The following PSD4 variants were observed in gnomAD, a reference collection of about 807,000 sequenced individuals.
The protein encoded by PSD4 is PH and SEC7 domain-containing protein 4.
PSD4 carries 59 observed loss-of-function variants against 112.5 expected under a neutral mutation model. The ratio of observed to expected loss-of-function variants is 0.52; its 90% CI spans 0.43 to 0.65. The LOEUF (loss-of-function observed/expected upper bound fraction) is 0.65. PSD4 is among the 30% of genes least tolerant of loss of function. The pLI, the probability that PSD4 is intolerant of heterozygous loss-of-function variation, is 0.00. For synonymous variants in PSD4, 533 were observed against 540.0 expected (o/e 0.99, Z 0.18); for missense variants, 1,267 against 1,352.6 (o/e 0.94, Z 0.99).
rs754769634 is a variant in PSD4 at position 113,199,169 on chromosome 2, G to A, written c.2856G>A (p.Arg952=). 21 of 1,526,134 alleles carry A rather than the reference G, an allele frequency of 1.4e-5. No individual in the cohort carries two copies. Among genetic ancestry groups the A allele is most frequent in the Non-Finnish European group, 1.7e-5 (19 of 1,139,276 alleles). 94.5% of individuals were successfully genotyped at this position (1,526,134 alleles called of 1,614,324 possible). Residue 952 remains arginine, a synonymous_variant, in exon 16 of 17, where the codon CGG becomes CGA. Transcript: ENST00000245796. The part of the protein sequence containing the change: ...LDLQRNLPER[R]GRGRELEEHR... ...TACAGAGGAACCTGCCGGAGCGGCG[G>A]GGCCGTGGCCGCGAGCTGGAGGAGC...
intron 9 of PSD4, 21 bp downstream of exon 9, chr2:113,193,671 C>T (rs773960711): frequency 1.9e-6 from 3 of 1,607,870 alleles, no homozygotes; most frequent in Non-Finnish European, 2.6e-6. Flanking sequence ...GGAGAGAGTC[C>T]CTGTGGGAAC....
chr2:113,182,971 A>G lies in PSD4; in HGVS notation c.515A>G (p.Glu172Gly). ...CAGATGTGTGTCCTAGACCTGGAGG[A>G]GGAGCTGGAGAAGACGGAAGGGCTC... ...QAQMCVLDLE[E>G]ELEKTEGLKA... Residue 172 changes from glutamate (E) to glycine (G), a missense_variant, in exon 2 of 17, where the codon GAG (glutamate) becomes GGG (glycine). Glu to Gly is a moderately conservative substitution (Grantham distance 98). This residue lies in a region of PSD4 where 723 missense variants were observed against 704.0 expected (regional missense o/e 1.03). Coordinates refer to ENST00000245796, the MANE Select transcript of PSD4 (RefSeq NM_012455.3). 6.2e-7 allele frequency: 1 copy of G among 1,614,152 alleles called. No individual in the cohort carries two copies. Among genetic ancestry groups the G allele is most frequent in the Non-Finnish European group, 8.5e-7 (1 of 1,180,018 alleles).
intron 1 of PSD4, among the ~76,000 whole-genome samples, chr2:113,177,945 C>A (rs1688022223): frequency 6.6e-6 from 1 of 152,164 alleles, no homozygotes; most frequent in Non-Finnish European, 1.5e-5. Context: ...CGGCCAGGTG[C>A]TGTGGCTCAT....
Position 113,192,394 on chromosome 2 carries a change from C to G in PSD4, c.1643C>G (p.Thr548Arg). The G allele has an allele frequency of 6.2e-7, 1 of 1,614,180 alleles. No individual in the cohort carries two copies. The highest frequency in any genetic ancestry group is 2.2e-5 in the East Asian group (1 of 44,882). The change falls in exon 6 of 17, where the codon ACA becomes AGA. Residue 548 changes from threonine to arginine, a missense_variant. Around this residue, in one of 2 missense-constraint regions of PSD4, gnomAD observed 723 missense variants for 704.0 expected, o/e 1.03. Transcript: ENST00000245796. The stretch of plus-strand genomic sequence containing the variant: ...TCTATCTCAAGTGAGAATCTGAGGA[C>G]ACCGATGAACTCTTCTTGGCTTCCT... ...LTSAEHENLR[T>R]PMNSSWLPGS...
rs1234628260 is a variant in PSD4 at position 113,185,399 on chromosome 2, G to A, written c.1208G>A (p.Gly403Asp). The A allele has an allele frequency of 5.0e-6, 8 of 1,614,076 alleles. No individual in the cohort carries two copies. The Admixed American group carries it at 1.0e-4, about 20-fold the overall frequency. The change falls in exon 4 of 17, where the codon GGT becomes GAT. Residue 403 changes from glycine (G) to aspartate (D), a missense_variant. Around this residue, in one of 2 missense-constraint regions of PSD4, gnomAD observed 723 missense variants for 704.0 expected, o/e 1.03. Coordinates refer to ENST00000245796, the MANE Select transcript of PSD4 (RefSeq NM_012455.3). ...SLSPEGWQRG[G>D]PFWPQVTLNS... ...AGCCCTGAGGGCTGGCAGAGAGGAGGTCCTTTTTGGCCCCAGGTGACTCTT... is the reference window on the plus strand; with the variant it reads ...AGCCCTGAGGGCTGGCAGAGAGGAGATCCTTTTTGGCCCCAGGTGACTCTT...
At position 113,195,789 on chromosome 2, in the gene PSD4, C is replaced by G. The variant is rs375145377; in HGVS notation, c.2225+19C>G. The G allele has an allele frequency of 6.1e-5, 99 of 1,613,854 alleles. No homozygotes were observed. Among genetic ancestry groups the G allele is most frequent in the Non-Finnish European group, 8.2e-5 (97 of 1,179,902 alleles). ...GGGCCGTGTGAGTGAGACTCCCTTT[C>G]CCCTCTCCCTCTCACCCCTCTCCCC... On this transcript the variant is annotated intron_variant, in intron 11 of 16. Transcript: ENST00000245796.
At chr2:113,180,578 G>A (rs1411053933) in intron 1 of PSD4, among the ~76,000 whole-genome samples, 1 of 152,186 alleles carries the variant, frequency 6.6e-6, no homozygotes, top group Non-Finnish European at 1.5e-5. Context: ...AGACCGGAAG[G>A]TGGATGGTCT....
Position 113,206,770 on chromosome 2 carries a change from C to T in PSD4, c.*5355C>T, listed in dbSNP as rs1274813494. 1 of 152,280 alleles carries T rather than the reference C, an allele frequency of 6.6e-6. No individual in the cohort carries two copies. Among genetic ancestry groups the T allele is most frequent in the Non-Finnish European group, 1.5e-5 (1 of 68,132 alleles). The allele number at this position is 152,280 out of a possible 1,614,324, so 9.4% of individuals were successfully genotyped here. A position where few individuals can be genotyped will look rare whatever the true frequency, so the allele number is the denominator to read the frequency against. ...CTTACCCCACGTCTGCTCCCCTCCT[C>T]CTTTGGGCTCTGGCTTAGGCTCTGC... On this transcript the variant is annotated 3_prime_UTR_variant, in exon 17 of 17. Coordinates refer to ENST00000245796, the MANE Select transcript of PSD4 (RefSeq NM_012455.3).
intron 16 of PSD4, among the ~76,000 whole-genome samples, chr2:113,199,603 T>A (rs1688719520): frequency 6.6e-6 from 1 of 152,108 alleles, no homozygotes; most frequent in African/African-American, 2.4e-5. Context: ...CTGTTCCTTC[T>A]AATACCTACC....
chr2:113,182,395 C>A lies in PSD4; in HGVS notation c.-62C>A. ...CCAGCGGCCAGTGCTCCCCCTAGTC[C>A]ACACAGTGAGACCGTGAAAGCAGAT... On this transcript the variant is annotated 5_prime_UTR_variant, in exon 2 of 17. Transcript: ENST00000245796. 1 of 1,447,882 alleles carries A rather than the reference C, an allele frequency of 6.9e-7. No homozygotes were observed. The highest frequency in any genetic ancestry group is 9.4e-7 in the Non-Finnish European group (1 of 1,062,174). The allele number at this position is 1,447,882 out of a possible 1,614,324, so 89.7% of individuals were successfully genotyped here.
chr2:113,177,877 T>TA (rs1688020491), intron 1 of PSD4, among the ~76,000 whole-genome samples: 1 of 152,096 alleles, frequency 6.6e-6, no homozygotes, highest in Admixed American at 6.6e-5. Context: ...GCTCAGAAAG[T>TA]AAAAGCGAGG....
At position 113,183,243 on chromosome 2, in the gene PSD4, G is replaced by C. The variant is rs759298695; in HGVS notation, c.787G>C (p.Gly263Arg). The change falls in exon 2 of 17, where the codon GGA (glycine) becomes CGA (arginine). Residue 263 changes from glycine (G) to arginine (R), a missense_variant. By Grantham distance (125) the Gly-to-Arg change is moderately radical (BLOSUM62 -2). Coordinates refer to ENST00000245796, the MANE Select transcript of PSD4 (RefSeq NM_012455.3). ...ASPCSENSAS[G>R]ECFSWGASDS... Reference sequence around the variant, plus strand: ...TCCTTGCTCAGAGAACAGTGCTTCTGGAGAGTGCTTTTCCTGGGGGGCTTC... The same window carrying C: ...TCCTTGCTCAGAGAACAGTGCTTCTCGAGAGTGCTTTTCCTGGGGGGCTTC... The C allele has an allele frequency of 6.2e-7, 1 of 1,614,220 alleles. No individual in the cohort carries two copies. The highest frequency in any genetic ancestry group is 2.2e-5 in the East Asian group (1 of 44,882).
intron 1 of PSD4, 59 bp from the exon 2 acceptor site, chr2:113,182,287 A>G (rs1688157524): frequency 1.6e-6 from 1 of 636,264 alleles, no homozygotes; most frequent in Non-Finnish European, 2.8e-6. Flanking sequence ...CACACTACAC[A>G]CGTGCCTCCA....
At position 113,197,742 on chromosome 2, in the gene PSD4, G is replaced by A. The variant is rs1407927877; in HGVS notation, c.2458-5G>A. 1.9e-6 allele frequency: 3 copies of A among 1,607,144 alleles called. No homozygotes were observed. Among genetic ancestry groups the A allele is most frequent in the South Asian group, 2.2e-5 (2 of 90,858 alleles). On this transcript the variant is annotated splice_region_variant and splice_polypyrimidine_tract_variant and intron_variant, in intron 13 of 16. Transcript: ENST00000245796. The stretch of plus-strand genomic sequence containing the variant: ...ACCTCTTCTCTGAGCCCCTGTGACT[G>A]GTAGCAGGGAGAAGACCACTGTCTG...
Position 113,201,382 on chromosome 2 carries a change from G to T in PSD4, c.3138G>T (p.Lys1046Asn), listed in dbSNP as rs1688775438. Residue 1046 changes from lysine (K) to asparagine (N), a missense_variant, in exon 17 of 17, where the codon AAG becomes AAT. Physicochemically the swap from Lys to Asn is moderately conservative, Grantham distance 94. This residue lies in a region of PSD4 where 544 missense variants were observed against 648.6 expected (regional missense o/e 0.84). Transcript: ENST00000245796. ...RNISERRTYRKIIPKRNRNQL is the reference protein window; with the variant it reads ...RNISERRTYRNIIPKRNRNQL ...TCTCAGAGCGCAGAACCTACCGGAA[G>T]ATCATCCCTAAGCGGAACCGCAATC... 6.2e-7 allele frequency: 1 copy of T among 1,613,986 alleles called. No homozygotes were observed.
chr2:113,179,343 G>T (rs573167040), intron 1 of PSD4, among the ~76,000 whole-genome samples: 1 of 152,284 alleles, frequency 6.6e-6, no homozygotes, highest in Admixed American at 6.5e-5. Context: ...TGGAGGTAGT[G>T]GTGGGAGGTG....
At position 113,183,022 on chromosome 2, in the gene PSD4, C is replaced by T. The variant is rs1407506399; in HGVS notation, c.566C>T (p.Pro189Leu). 6 of 1,613,834 alleles carry T rather than the reference C, an allele frequency of 3.7e-6. No individual in the cohort carries two copies. The Admixed American group carries it at 1.0e-4, about 27-fold the overall frequency. Residue 189 changes from proline to leucine, a missense_variant, in exon 2 of 17, where the codon CCC becomes CTC. This residue lies in a region of PSD4 where 723 missense variants were observed against 704.0 expected (regional missense o/e 1.03). Coordinates refer to ENST00000245796, the MANE Select transcript of PSD4 (RefSeq NM_012455.3). ...AAGGCTGGGCTGAAATGCTGTCTCCCCACGCCCCCTGTGGACCTCCCCGGG... is the reference window on the plus strand; with the variant it reads ...AAGGCTGGGCTGAAATGCTGTCTCCTCACGCCCCCTGTGGACCTCCCCGGG... ...GLKAGLKCCL[P>L]TPPVDLPGDT...
In PSD4 at chr2:113,182,545, G is replaced by A; in HGVS notation, c.89G>A (p.Gly30Glu). 1 of 1,614,172 alleles carries A rather than the reference G, an allele frequency of 6.2e-7. No homozygotes were observed. The highest frequency in any genetic ancestry group is 8.5e-7 in the Non-Finnish European group (1 of 1,180,022). ...YLGDSLEPHP[G>E]ECPRETCSHE... The stretch of plus-strand genomic sequence containing the variant: ...GGAGACAGCCTGGAGCCCCACCCAG[G>A]AGAGTGCCCAAGGGAAACGTGCAGC... Residue 30 changes from glycine to glutamate, a missense_variant, in exon 2 of 17, where the codon GGA becomes GAA. Around this residue, in one of 2 missense-constraint regions of PSD4, gnomAD observed 723 missense variants for 704.0 expected, o/e 1.03. Coordinates refer to ENST00000245796, the MANE Select transcript of PSD4 (RefSeq NM_012455.3).
chr2:113,187,252 C>T (rs1484214832), intron 5 of PSD4, among the ~76,000 whole-genome samples: 2 of 152,234 alleles, frequency 1.3e-5, no homozygotes, highest in Admixed American at 1.3e-4. Context: ...GTGGCAGGTG[C>T]ATCCCTGTGA....
Sources: gnomAD v4.1 joint callset for allele counts (sites outside exome capture counted in the v4.1 genomes callset) on GRCh38, gnomAD v4.1.1 for gene constraint, gnomAD v4.1.1 regional missense constraint, MANE v1.5 for transcripts, NCBI Gene and HGNC (gene_info 2026-07-23, HGNC 2026-07-21) for gene names.